CCDC170: variants seen among roughly 807,000 people sequenced by gnomAD.
CCDC170 encodes the protein coiled-coil domain-containing protein 170.
In CCDC170, 69 loss-of-function variants were observed where a neutral mutation model predicts 72.6. The observed-to-expected ratio is 0.95, with a 90% CI of 0.78 to 1.16. CCDC170 has a LOEUF of 1.16. Among genes scored for constraint, CCDC170 ranks in the 50% most tolerant of loss-of-function variants. CCDC170 has a pLI of 0.00. For synonymous variants in CCDC170, 300 were observed against 303.9 expected, an observed-to-expected ratio of 0.99 and a Z score of 0.13; for missense variants, 852 against 832.5, an observed-to-expected ratio of 1.02 and a Z score of -0.29.
chr6:151,540,372 G>C (rs181926659), intron 3 of CCDC170, among the ~76,000 whole-genome samples: 5 of 36,922 alleles, frequency 1.4e-4, no homozygotes, highest in Non-Finnish European at 2.5e-4. Flanking sequence ...TTCTGCTGCT[G>C]CTTTTTTTTT....
Position 151,618,858 on chromosome 6 carries a change from A to T in CCDC170, c.*711A>T, listed in dbSNP as rs1211529619. The T allele has an allele frequency of 6.6e-6, 1 of 152,232 alleles. No individual in the cohort carries two copies. Among genetic ancestry groups the T allele is most frequent in the African/African-American group, 2.4e-5 (1 of 41,418 alleles). The allele number at this position is 152,232 out of a possible 1,614,324, so 9.4% of individuals were successfully genotyped here. A position where few individuals can be genotyped will look rare whatever the true frequency, so the allele number is the denominator to read the frequency against. On this transcript the variant is annotated 3_prime_UTR_variant, in exon 11 of 11. Coordinates refer to ENST00000239374, the MANE Select transcript of CCDC170 (RefSeq NM_025059.4). ...AGACCCTGTTTCTACTAAAAATACA[A>T]AAATAAGCCAGGTGTGGTGGTGCAT...
At chr6:151,509,050 A>G (rs1782105292) in intron 1 of CCDC170, among the ~76,000 whole-genome samples, 1 of 151,812 alleles carries the variant, frequency 6.6e-6, no homozygotes, top group Non-Finnish European at 1.5e-5. Context: ...AATAAATATT[A>G]CATCTTAGAA....
At chr6:151,575,528 T>TTC (rs1776289766) in intron 6 of CCDC170, among the ~76,000 whole-genome samples, 1 of 108,596 alleles carries the variant, frequency 9.2e-6, no homozygotes. Context: ...TTTCTTTCTT[T>TTC]TTTTTTTTTT....
Position 151,618,252 on chromosome 6 carries a change from G to A in CCDC170, c.*105G>A. ...TTTGATCAGTTTGTGAATATTTTAT[G>A]CTTTGATGATATAGTGAGAATGCAT... On this transcript the variant is annotated 3_prime_UTR_variant, in exon 11 of 11. Coordinates refer to ENST00000239374, the MANE Select transcript of CCDC170 (RefSeq NM_025059.4). The A allele has an allele frequency of 9.7e-7, 1 of 1,031,462 alleles. No homozygotes were observed. Among genetic ancestry groups the A allele is most frequent in the South Asian group, 1.6e-5 (1 of 63,602 alleles). 63.9% of individuals were successfully genotyped at this position (1,031,462 alleles called of 1,614,324 possible). A position where few individuals can be genotyped will look rare whatever the true frequency, so the allele number is the denominator to read the frequency against.
chr6:151,530,029 G>A (rs1782472500), intron 1 of CCDC170, among the ~76,000 whole-genome samples: 1 of 152,086 alleles, frequency 6.6e-6, no homozygotes, highest in Non-Finnish European at 1.5e-5. Flanking sequence ...GAGGATTAAT[G>A]TATCAGGACC....
chr6:151,546,043 G>A (rs542949614), intron 4 of CCDC170, among the ~76,000 whole-genome samples: 2 of 152,088 alleles, frequency 1.3e-5, no homozygotes, highest in Non-Finnish European at 2.9e-5. Context: ...CTTCCAAAGT[G>A]CTGGGATTAC....
At chr6:151,560,383 T>C (rs757224867) in intron 5 of CCDC170, among the ~76,000 whole-genome samples, 3 of 152,174 alleles carry the variant, frequency 2.0e-5, no homozygotes, top group Admixed American at 2.0e-4. Flanking sequence ...GACTGAGGCA[T>C]GTGTTCAATT....
chr6:151,550,530 A>G (rs1330347323), intron 5 of CCDC170, among the ~76,000 whole-genome samples: 3 of 152,228 alleles, frequency 2.0e-5, no homozygotes, highest in African/African-American at 4.8e-5. Flanking sequence ...CCTTCGCACC[A>G]CTAGCTTTAT....
At position 151,559,861 on chromosome 6, in the gene CCDC170, T is replaced by G. The variant is rs369031242; in HGVS notation, c.774+11372T>G. ...TTTTTTTCTTAGTTAACTTGGCTAG[T>G]GGTCTGTCAATTTGGTTTATCCTTT... is the stretch of plus-strand genomic sequence containing the variant. On this transcript the variant is annotated intron_variant, in intron 5 of 10. Transcript: ENST00000239374. Among the ~76,000 whole-genome samples, 9 of 152,296 alleles carry G rather than the reference T, an allele frequency of 5.9e-5. No individual in the cohort carries two copies. In the East Asian group the frequency reaches 1.7e-3, roughly 29 times the overall value.
intron 1 of CCDC170, among the ~76,000 whole-genome samples, chr6:151,519,060 G>C (rs543979404): frequency 2.0e-5 from 3 of 152,136 alleles, no homozygotes; most frequent in African/African-American, 7.2e-5. Flanking sequence ...CAGAAAACAG[G>C]GCTCAAGAGC....
chr6:151,545,038 C>A (rs1384860029), intron 4 of CCDC170, among the ~76,000 whole-genome samples: 4 of 151,944 alleles, frequency 2.6e-5, no homozygotes, highest in Non-Finnish European at 5.9e-5. Context: ...TTAGTTACAG[C>A]CAGACATATA....
At chr6:151,565,441 C>T (rs1162742390) in intron 5 of CCDC170, among the ~76,000 whole-genome samples, 4 of 152,264 alleles carry the variant, frequency 2.6e-5, no homozygotes, top group African/African-American at 9.6e-5. Context: ...CTGTCACTCC[C>T]CTTTCCCTGC....
At chr6:151,556,713 T>C (rs1782982851) in intron 5 of CCDC170, among the ~76,000 whole-genome samples, 1 of 152,210 alleles carries the variant, frequency 6.6e-6, no homozygotes, top group East Asian at 1.9e-4. Context: ...ACCTCAACTA[T>C]TTATCATTTC....
In CCDC170 at chr6:151,538,273, A is replaced by G. The variant is rs1406299518; in HGVS notation, c.415A>G (p.Lys139Glu). The G allele has an allele frequency of 1.9e-6, 3 of 1,613,590 alleles. No individual in the cohort carries two copies. In the East Asian group the frequency reaches 6.7e-5, roughly 36 times the overall value. ...AIKENQELKK[K>E]VVELNEKLQK... The stretch of plus-strand genomic sequence containing the variant: ...CAAGGAGAACCAGGAATTAAAGAAG[A>G]AAGTTGTAGAGTTAAATGAAAAATT... Residue 139 changes from lysine to glutamate, a missense_variant, in exon 3 of 11, where the codon AAA becomes GAA. Coordinates refer to ENST00000239374, the MANE Select transcript of CCDC170 (RefSeq NM_025059.4).
At chr6:151,562,376 G>A (rs1253464417) in intron 5 of CCDC170, among the ~76,000 whole-genome samples, 1 of 152,086 alleles carries the variant, frequency 6.6e-6, no homozygotes, top group Non-Finnish European at 1.5e-5. Flanking sequence ...TGTTTGAATG[G>A]GACTTCTTTT....
At chr6:151,580,542 C>T (rs952643749) in intron 6 of CCDC170, among the ~76,000 whole-genome samples, 1 of 151,870 alleles carries the variant, frequency 6.6e-6, no homozygotes, top group Non-Finnish European at 1.5e-5. Context: ...TATTGGTAAG[C>T]AGGAAAGGTA....
In CCDC170 at chr6:151,494,200, G is replaced by A; in HGVS notation, c.57+15G>A. The stretch of plus-strand genomic sequence containing the variant: ...CAGCGCCCGAGGTACGGTCCCAGCC[G>A]CCGGCCGCGCGCGGGGGTGGCCCTG... On this transcript the variant is annotated intron_variant, in intron 1 of 10. Transcript: ENST00000239374. 6.7e-6 allele frequency: 10 copies of A among 1,498,594 alleles called. No homozygotes were observed. The highest frequency in any genetic ancestry group is 8.0e-6 in the Non-Finnish European group (9 of 1,126,814). The allele number at this position is 1,498,594 out of a possible 1,614,324, so 92.8% of individuals were successfully genotyped here. A position where few individuals can be genotyped will look rare whatever the true frequency, so the allele number is the denominator to read the frequency against.
At chr6:151,583,453 G>A (rs912708561) in intron 6 of CCDC170, among the ~76,000 whole-genome samples, 3 of 151,722 alleles carry the variant, frequency 2.0e-5, no homozygotes, top group Non-Finnish European at 2.9e-5. Flanking sequence ...AGAGAAGTGC[G>A]ACTCTTCGCT....
At position 151,596,475 on chromosome 6, in the gene CCDC170, G is replaced by A. The variant is rs1477529138; in HGVS notation, c.1608G>A (p.Arg536=). 6.2e-7 allele frequency: 1 copy of A among 1,614,054 alleles called. No individual in the cohort carries two copies. The highest frequency in any genetic ancestry group is 8.5e-7 in the Non-Finnish European group (1 of 1,180,004). ...VERDNAHLTI[R]NLQKKVERLQ... ...GGGACAACGCGCATCTTACCATCAGGAACTTGCAGAAGAAGGTGGAGAGGC... is the reference window on the plus strand; with the variant it reads ...GGGACAACGCGCATCTTACCATCAGAAACTTGCAGAAGAAGGTGGAGAGGC... Residue 536 remains arginine (R), a synonymous_variant, in exon 9 of 11, where the codon AGG becomes AGA. Coordinates refer to ENST00000239374, the MANE Select transcript of CCDC170 (RefSeq NM_025059.4).
Sources: allele counts gnomAD v4.1 joint callset (sites outside exome capture counted in the v4.1 genomes callset), GRCh38; gene constraint gnomAD v4.1.1; transcripts MANE v1.5; gene names NCBI Gene and HGNC (gene_info 2026-07-23, HGNC 2026-07-21).